COL6A1: variants seen among roughly 807,000 people sequenced by gnomAD.
COL6A1 encodes the protein collagen type VI alpha 1 chain.
In COL6A1, 80 loss-of-function variants were observed where a neutral mutation model predicts 145.6. That is an observed-to-expected ratio of 0.55 (90% CI 0.46 to 0.66). The LOEUF is 0.66. Ranked by LOEUF, COL6A1 falls within the 30% of genes least tolerant of loss-of-function variation. The pLI, the probability that COL6A1 is intolerant of heterozygous loss-of-function variation, is 0.00. For missense variants in COL6A1, 1,364 were observed against 1,473.8 expected (o/e 0.93, Z 1.22); for synonymous variants, 638 against 622.8 (o/e 1.02, Z -0.36).
chr21:45,982,584 C>A (rs1474959333), intron 1 of COL6A1, 50 bp from the exon 2 acceptor site: 13 of 1,611,134 alleles, frequency 8.1e-6, no homozygotes, highest in South Asian at 1.1e-5. Flanking sequence ...AGCAGAGACT[C>A]GGGGAATGGG....
intron 14 of COL6A1, 60 bp from the exon 15 acceptor site, chr21:45,990,919 C>T: frequency 1.2e-6 from 2 of 1,610,292 alleles, no homozygotes; most frequent in South Asian, 2.2e-5. Flanking sequence ...CGGTCTGGGG[C>T]TGCTGCCAGA....
chr21:45,987,092 G>C lies in COL6A1; in HGVS notation c.717+20G>C. The C allele has an allele frequency of 6.4e-7, 1 of 1,564,428 alleles. No homozygotes were observed. Among genetic ancestry groups the C allele is most frequent in the Non-Finnish European group, 8.7e-7 (1 of 1,154,948 alleles). ...ATGATCGTGAGGCCCCTGCCCAGGA[G>C]ACGGGGAGGCCCGCGGCGGCCGCAG... On this transcript the variant is annotated intron_variant, in intron 5 of 34. Transcript: ENST00000361866.
intron 2 of COL6A1, among the ~76,000 whole-genome samples, chr21:45,983,444 G>C (rs1221221000): frequency 6.6e-6 from 1 of 152,154 alleles, no homozygotes; most frequent in African/African-American, 2.4e-5. Flanking sequence ...GGTCCTGGCA[G>C]TGGGGACACA....
At chr21:45,993,984 G>A (rs1389419220) in intron 19 of COL6A1, among the ~76,000 whole-genome samples, 183 bp from the exon 20 acceptor site, 4 of 152,210 alleles carry the variant, frequency 2.6e-5, no homozygotes, top group East Asian at 1.9e-4. Flanking sequence ...AGCCAGCCAC[G>A]CCGATGGCCA....
At chr21:45,984,839 CAGAGACAGAG>C (rs1452776611) in intron 3 of COL6A1, among the ~76,000 whole-genome samples, 1 of 149,366 alleles carries the variant, frequency 6.7e-6, no homozygotes, top group Non-Finnish European at 1.5e-5. Context: ...GACAGGCAGA[CAGAGACAGAG>C]AGAGACAGAG....
At chr21:45,998,223 G>T (rs190002447) in intron 23 of COL6A1, 52 bp downstream of exon 23, 4 of 1,598,520 alleles carry the variant, frequency 2.5e-6, no homozygotes, top group African/African-American at 1.3e-5. Context: ...TGCCTGCGGC[G>T]CCCTCTTTAG....
chr21:45,986,477 C>T lies in COL6A1; in HGVS notation c.429-49C>T, dbSNP rs2077739324. 8 of 1,542,220 alleles carry T rather than the reference C, an allele frequency of 5.2e-6. No individual in the cohort carries two copies. In the East Asian group the frequency reaches 1.7e-4, roughly 33 times the overall value. On this transcript the variant is annotated intron_variant, in intron 3 of 34. Transcript: ENST00000361866. ...TCCCGGACAGGCTTGGGTCTCCCTC[C>T]AGTTCCCCCACCTAGTCTCGAGGTC...
Position 46,004,120 on chromosome 21 carries a change from AT to A in COL6A1, c.*115del, listed in dbSNP as rs889031226. ...TTTCCCGACCAACCTGATTCGCTAGATTTTTTTTAAGGAAAAGCTTGGAAAG... is the reference window on the plus strand; with the variant it reads ...TTTCCCGACCAACCTGATTCGCTAGATTTTTTTAAGGAAAAGCTTGGAAAG... On this transcript the variant is annotated 3_prime_UTR_variant, in exon 35 of 35. Transcript: ENST00000361866. 18 of 1,473,878 alleles carry A rather than the reference AT, an allele frequency of 1.2e-5. No homozygotes were observed. Among genetic ancestry groups the A allele is most frequent in the Middle Eastern group, 2.2e-4 (1 of 4,590 alleles). The allele number at this position is 1,473,878 out of a possible 1,614,324, so 91.3% of individuals were successfully genotyped here.
intron 19 of COL6A1, among the ~76,000 whole-genome samples, chr21:45,993,191 G>T (rs76293757): frequency 0.024 from 3,615 of 152,344 alleles, 128 homozygotes; most frequent in African/African-American, 0.076. Context: ...GCCTGGGAAG[G>T]CTTGACATGG....
At position 45,987,060 on chromosome 21, in the gene COL6A1, CGTGG is replaced by C; in HGVS notation, c.706_709del (p.Val236ThrfsTer2). 6.4e-7 allele frequency: 1 copy of C among 1,555,496 alleles called. No individual in the cohort carries two copies. On this transcript the variant is annotated frameshift_variant, in exon 5 of 35. Transcript: ENST00000361866. LOFTEE classifies it high-confidence loss of function. ...CCATCAGCCAGACCATCGACACCATCGTGGACATGATCGTGAGGCCCCTGCCCAG... is the reference window on the plus strand; with the variant it reads ...CCATCAGCCAGACCATCGACACCATCACATGATCGTGAGGCCCCTGCCCAG...
chr21:45,991,171 C>G lies in COL6A1; in HGVS notation c.1119+130C>G. The G allele has an allele frequency of 2.6e-5, 26 of 990,964 alleles. 2 individuals are homozygous for G. The South Asian group carries it at 3.4e-4, about 13-fold the overall frequency. The allele number at this position is 990,964 out of a possible 1,614,324, so 61.4% of individuals were successfully genotyped here. A position where few individuals can be genotyped will look rare whatever the true frequency, so the allele number is the denominator to read the frequency against. On this transcript the variant is annotated intron_variant, in intron 15 of 34. Transcript: ENST00000361866. Reference sequence around the variant, plus strand: ...CCCGTGCGGCCTCAGAGGGGAGGAGCTGGTGGAGGCTGGAGGCAGGCAGAG... The same window carrying G: ...CCCGTGCGGCCTCAGAGGGGAGGAGGTGGTGGAGGCTGGAGGCAGGCAGAG...
At position 45,998,153 on chromosome 21, in the gene COL6A1, G is replaced by A. The variant is rs755375448; in HGVS notation, c.1557G>A (p.Glu519=). The A allele has an allele frequency of 6.2e-7, 1 of 1,612,452 alleles. No individual in the cohort carries two copies. The highest frequency in any genetic ancestry group is 1.1e-5 in the South Asian group (1 of 91,018). Residue 519 remains glutamate, a synonymous_variant, in exon 23 of 35, where the codon GAG becomes GAA. Transcript: ENST00000361866. ...ACGGCCCCGCTGGAAATGGCACCGA[G>A]GGCTTCCCCGGCTTCCCCGTAAGTG... ...GEDGPAGNGT[E]GFPGFPGYPG...
chr21:45,989,864 G>A (rs2077763969), intron 11 of COL6A1, 86 bp downstream of exon 11: 33 of 1,546,632 alleles, frequency 2.1e-5, no homozygotes, highest in Non-Finnish European at 2.9e-5. Context: ...TGAGGACAGT[G>A]TCCCTGACAG....
intron 15 of COL6A1, 113 bp downstream of exon 15, chr21:45,991,154 G>A: frequency 8.4e-7 from 1 of 1,186,618 alleles, no homozygotes; most frequent in Admixed American, 1.9e-5. Context: ...CACCCGTGCG[G>A]CCTCAGAGGG....
In COL6A1 at chr21:46,004,810, C is replaced by A; in HGVS notation, c.*797C>A. 2.9e-6 allele frequency: 1 copy of A among 350,538 alleles called. No homozygotes were observed. Among genetic ancestry groups the A allele is most frequent in the Non-Finnish European group, 6.0e-6 (1 of 165,524 alleles). The allele number at this position is 350,538 out of a possible 1,614,324, so 21.7% of individuals were successfully genotyped here. ...CCCTCGAGATTAACGGTGCTAACCC[C>A]GTCTGCTCCTCCCTCCCGCAGAGAC... is the stretch of plus-strand genomic sequence containing the variant. On this transcript the variant is annotated 3_prime_UTR_variant, in exon 35 of 35. Transcript: ENST00000361866.
At chr21:45,985,007 T>C (rs569254812) in intron 3 of COL6A1, among the ~76,000 whole-genome samples, 61 of 103,538 alleles carry the variant, frequency 5.9e-4, no homozygotes, top group African/African-American at 2.0e-3. Context: ...CAGAGACAGA[T>C]AGAAAAAGAC....
chr21:45,990,487 CG>C, intron 13 of COL6A1, 65 bp downstream of exon 13: 2 of 217,180 alleles, frequency 9.2e-6, no homozygotes, highest in Non-Finnish European at 7.8e-6. Flanking sequence ...TGGGGAGGGA[CG>C]GAGTGGACGG....
At chr21:45,985,228 GCAGAGACAGGGA>G (rs1452423981) in intron 3 of COL6A1, among the ~76,000 whole-genome samples, 1 of 138,366 alleles carries the variant, frequency 7.2e-6, no homozygotes, top group African/African-American at 2.7e-5. Flanking sequence ...ACAGAGAGAA[GCAGAGACAGGGA>G]CAGAGACAGA....
At chr21:46,000,238 C>G (rs1041813538) in intron 27 of COL6A1, 93 bp from the exon 28 acceptor site, 2 of 1,519,818 alleles carry the variant, frequency 1.3e-6, no homozygotes, top group South Asian at 2.2e-5. Context: ...CCTGTGGGGG[C>G]CCCAGGGAGG....
Sources: gnomAD v4.1 joint callset for allele counts (sites outside exome capture counted in the v4.1 genomes callset) on GRCh38, gnomAD v4.1.1 for gene constraint, MANE v1.5 for transcripts, NCBI Gene and HGNC (gene_info 2026-07-23, HGNC 2026-07-21) for gene names.